MYT1L: variants seen among roughly 807,000 people sequenced by gnomAD.
MYT1L encodes myelin transcription factor 1-like protein.
A neutral mutation model predicts 126.7 loss-of-function variants in MYT1L; 12 were observed. The observed-to-expected ratio is 0.09, with a 90% CI of 0.06 to 0.15. The LOEUF is 0.15. Ranked by LOEUF, MYT1L falls within the 10% of genes least tolerant of loss-of-function variation. The pLI, the probability that MYT1L is intolerant of heterozygous loss-of-function variation, is 1.00. For synonymous variants in MYT1L, 541 were observed against 604.2 expected, an observed-to-expected ratio of 0.90 and a Z score of 1.53; for missense variants, 979 against 1,585.2, an observed-to-expected ratio of 0.62 and a Z score of 6.49.
chr2:1,889,867 TAA>T lies in MYT1L; in HGVS notation c.2284-392_2284-391del, dbSNP rs1409076790. ...TAATTTTATTACCGTTGCAAATACC[TAA>T]GAGATAAAAATTTTGTGTGTATGCA... On this transcript the variant is annotated intron_variant, in intron 15 of 24. Transcript: ENST00000647738. The surrounding 1 kb of genome is among the most constrained non-coding windows in gnomAD (Gnocchi z 4.1). Among the ~76,000 whole-genome samples, 8 of 152,154 alleles carry T rather than the reference TAA, an allele frequency of 5.3e-5. No homozygotes were observed. Among genetic ancestry groups the T allele is most frequent in the South Asian group, 2.1e-4 (1 of 4,830 alleles).
chr2:2,286,528 C>A (rs1405262306), intron 1 of MYT1L, among the ~76,000 whole-genome samples: 2 of 152,050 alleles, frequency 1.3e-5, no homozygotes, highest in Non-Finnish European at 2.9e-5. Context: ...AACATAGAAC[C>A]CATTAGTAAA....
At chr2:1,836,298 C>T (rs35852365) in intron 21 of MYT1L, among the ~76,000 whole-genome samples, 2,782 of 146,652 alleles carry the variant, frequency 0.019, 43 homozygotes, top group Non-Finnish European at 0.031. Flanking sequence ...AATACTCCAT[C>T]AGCCTGCCCC....
intron 3 of MYT1L, among the ~76,000 whole-genome samples, chr2:2,114,111 G>C (rs1434353054): frequency 6.6e-6 from 1 of 152,236 alleles, no homozygotes; most frequent in Non-Finnish European, 1.5e-5. Context: ...TTATGTGTCA[G>C]ATCCCAGCAT....
chr2:1,976,641 CA>C (rs556020305), intron 8 of MYT1L, among the ~76,000 whole-genome samples: 2 of 151,644 alleles, frequency 1.3e-5, no homozygotes, highest in Non-Finnish European at 2.9e-5. Flanking sequence ...GACTCCATAT[CA>C]AAAAAACAAA....
chr2:2,167,113 G>A (rs2089271459), intron 3 of MYT1L, among the ~76,000 whole-genome samples: 1 of 152,106 alleles, frequency 6.6e-6, no homozygotes, highest in Non-Finnish European at 1.5e-5. Context: ...AGGGTTTAAA[G>A]GGCTGGTGCT....
chr2:1,818,511 C>T (rs2038033766), intron 21 of MYT1L, among the ~76,000 whole-genome samples: 1 of 152,182 alleles, frequency 6.6e-6, no homozygotes, highest in South Asian at 2.1e-4. Context: ...TCCAGGTGTA[C>T]ACTGTTACTG....
chr2:1,843,586 C>T (rs2042117690), intron 19 of MYT1L, among the ~76,000 whole-genome samples: 1 of 149,546 alleles, frequency 6.7e-6, no homozygotes, highest in South Asian at 2.1e-4. Flanking sequence ...GGTATCCTAC[C>T]CAGGGAGAAT....
At chr2:2,308,774 T>C (rs893497794) in intron 1 of MYT1L, among the ~76,000 whole-genome samples, 10 of 151,804 alleles carry the variant, frequency 6.6e-5, no homozygotes, top group African/African-American at 2.4e-4. Flanking sequence ...ACCCATACCT[T>C]CAGTACATTG....
intron 2 of MYT1L, among the ~76,000 whole-genome samples, chr2:2,198,428 T>C (rs1415395304): frequency 6.6e-6 from 1 of 152,108 alleles, no homozygotes; most frequent in African/African-American, 2.4e-5. Flanking sequence ...AGAATATTAT[T>C]ACCACCAAGA....
At chr2:2,022,630 G>A (rs2065148064) in intron 4 of MYT1L, among the ~76,000 whole-genome samples, 1 of 151,786 alleles carries the variant, frequency 6.6e-6, no homozygotes, top group East Asian at 1.9e-4. Context: ...GCCCGCTTGG[G>A]CCTCTTCCAA....
chr2:1,983,072 G>T (rs945130659), intron 5 of MYT1L, among the ~76,000 whole-genome samples: 17 of 152,068 alleles, frequency 1.1e-4, no homozygotes, highest in South Asian at 4.2e-4. Flanking sequence ...AATTCTTCCA[G>T]TAATCAGTTA....
chr2:2,141,324 A>G (rs2083942831), intron 3 of MYT1L, among the ~76,000 whole-genome samples: 1 of 152,172 alleles, frequency 6.6e-6, no homozygotes, highest in African/African-American at 2.4e-5. Context: ...ATAAATTTAA[A>G]TTTATATTAC....
intron 2 of MYT1L, among the ~76,000 whole-genome samples, chr2:2,201,296 G>A (rs2093060496): frequency 6.6e-6 from 1 of 152,264 alleles, no homozygotes; most frequent in Admixed American, 6.5e-5. Flanking sequence ...AATGTACTTA[G>A]CTTAAATCTG....
chr2:1,982,988 A>G (rs1319171251), intron 5 of MYT1L, among the ~76,000 whole-genome samples: 1 of 152,196 alleles, frequency 6.6e-6, no homozygotes, highest in Admixed American at 6.5e-5. Context: ...TTATTTTTAC[A>G]ATTAAATTCT....
At chr2:2,031,796 C>A (rs2066308677) in intron 4 of MYT1L, among the ~76,000 whole-genome samples, 2 of 145,824 alleles carry the variant, frequency 1.4e-5, no homozygotes, top group African/African-American at 5.2e-5. Context: ...TGCCTCTCAT[C>A]CTGTGGCCCA....
At chr2:2,141,649 C>A (rs150885718) in intron 3 of MYT1L, among the ~76,000 whole-genome samples, 2 of 152,260 alleles carry the variant, frequency 1.3e-5, no homozygotes, top group Non-Finnish European at 2.9e-5. Context: ...GAAAAGTCTG[C>A]GAGGGCCAAT....
intron 5 of MYT1L, among the ~76,000 whole-genome samples, chr2:1,986,007 C>CTGAGTTTTGAATA (rs2060989116): frequency 6.6e-6 from 1 of 152,168 alleles, no homozygotes; most frequent in African/African-American, 2.4e-5. Flanking sequence ...CAGCCACTAG[C>CTGAGTTTTGAATA]CTTTTGAATA....
intron 3 of MYT1L, among the ~76,000 whole-genome samples, chr2:2,083,909 T>C (rs534020637): frequency 1.3e-5 from 2 of 148,284 alleles, no homozygotes; most frequent in Admixed American, 1.3e-4. Flanking sequence ...CTTTCTATAC[T>C]CATTTTAGTG....
chr2:2,190,555 T>TAAAAAAAAAAAAA (rs777939174), intron 2 of MYT1L, among the ~76,000 whole-genome samples: 2 of 108,442 alleles, frequency 1.8e-5, no homozygotes, highest in Non-Finnish European at 3.7e-5. Flanking sequence ...CAAGACCTGT[T>TAAAAAAAAAAAAA]AAAAAAAAAA....
Sources: gnomAD v4.1 joint callset for allele counts (sites outside exome capture counted in the v4.1 genomes callset) on GRCh38, gnomAD v4.1.1 for gene constraint, Gnocchi (gnomAD v3.1) non-coding constraint, MANE v1.5 for transcripts, NCBI Gene and HGNC (gene_info 2026-07-23, HGNC 2026-07-21) for gene names.